ARHGEF7: variants seen among roughly 807,000 people sequenced by gnomAD.
ARHGEF7 encodes the protein PAK-interacting exchange factor beta.
ARHGEF7 carries 33 observed loss-of-function variants against 109.8 expected under a neutral mutation model. The observed-to-expected ratio is 0.30, with a 90% confidence interval of 0.23 to 0.40. ARHGEF7 has a LOEUF of 0.40. Ranked by LOEUF, ARHGEF7 falls within the 10% of genes least tolerant of loss-of-function variation. The probability of loss-of-function intolerance (pLI) is 1.00; values close to 1 mark genes in which losing one functional copy is unlikely to be tolerated. For synonymous variants in ARHGEF7, 458 were observed against 424.6 expected, an observed-to-expected ratio of 1.08 and a Z score of -0.97; for missense variants, 938 against 1,098.5, an observed-to-expected ratio of 0.85 and a Z score of 2.07.
intron 1 of ARHGEF7, among the ~76,000 whole-genome samples, chr13:111,121,946 A>T (rs139513530): frequency 6.6e-6 from 1 of 152,348 alleles, no homozygotes; most frequent in Non-Finnish European, 1.5e-5. Context: ...AGTACGCAGT[A>T]GTTACTGTTT....
chr13:111,301,190 C>T (rs1488296311), intron 20 of ARHGEF7, among the ~76,000 whole-genome samples: 1 of 152,156 alleles, frequency 6.6e-6, no homozygotes, highest in Non-Finnish European at 1.5e-5. Context: ...CTCAGGTGAT[C>T]TGCCCGCCTC....
At chr13:111,205,243 C>T in intron 2 of ARHGEF7, 46 bp from the exon 3 acceptor site, 1 of 1,487,468 alleles carries the variant, frequency 6.7e-7, no homozygotes, top group East Asian at 2.3e-5. Flanking sequence ...ATCCTGCACC[C>T]AACATAAGAC....
chr13:111,172,889 G>A (rs138618137), intron 2 of ARHGEF7, among the ~76,000 whole-genome samples: 5 of 152,218 alleles, frequency 3.3e-5, no homozygotes, highest in East Asian at 1.9e-4. Context: ...TTTTTCTCCC[G>A]ATTATAGTAG....
At chr13:111,302,076 A>C (rs1418401121) in intron 21 of ARHGEF7, among the ~76,000 whole-genome samples, 3 of 152,194 alleles carry the variant, frequency 2.0e-5, no homozygotes, top group Non-Finnish European at 4.4e-5. Context: ...GAATAATTTA[A>C]AATATCGAAA....
chr13:111,285,599 C>A (rs956774444), intron 16 of ARHGEF7, among the ~76,000 whole-genome samples: 1 of 152,162 alleles, frequency 6.6e-6, no homozygotes, highest in African/African-American at 2.4e-5. Context: ...GCAGCCCTGG[C>A]CGAGCTTGGC....
intron 8 of ARHGEF7, chr13:111,265,525 T>A (rs2091545374): frequency 4.4e-6 from 2 of 456,328 alleles, no homozygotes; most frequent in South Asian, 3.1e-5. Flanking sequence ...CTCATGAAGG[T>A]GGAGGCACAC....
chr13:111,277,394 G>A (rs1200575896), intron 12 of ARHGEF7, among the ~76,000 whole-genome samples, 193 bp from the exon 13 acceptor site: 3 of 152,138 alleles, frequency 2.0e-5, no homozygotes, highest in Non-Finnish European at 2.9e-5. Context: ...ATAATCATAT[G>A]TTAAGACTTA....
intron 1 of ARHGEF7, among the ~76,000 whole-genome samples, chr13:111,119,453 C>G (rs1302079835): frequency 6.6e-6 from 1 of 152,076 alleles, no homozygotes; most frequent in Non-Finnish European, 1.5e-5. Flanking sequence ...ATAATAGAGT[C>G]TTGGGGGTTC....
At chr13:111,211,410 T>C (rs1161768354) in intron 4 of ARHGEF7, among the ~76,000 whole-genome samples, 1 of 152,150 alleles carries the variant, frequency 6.6e-6, no homozygotes. Flanking sequence ...TTTTTTTTTC[T>C]TTTTGAGTAG....
chr13:111,269,730 T>G (rs2091981755), intron 9 of ARHGEF7, among the ~76,000 whole-genome samples: 1 of 152,068 alleles, frequency 6.6e-6, no homozygotes. Flanking sequence ...CTGTGGAACA[T>G]GAAGCTTGTG....
intron 2 of ARHGEF7, among the ~76,000 whole-genome samples, chr13:111,183,889 C>A (rs1042982274): frequency 1.3e-5 from 2 of 152,148 alleles, no homozygotes; most frequent in African/African-American, 4.8e-5. Context: ...TGTAAGTCTC[C>A]ACCAGGACTT....
At chr13:111,268,017 C>T (rs2091814244) in intron 9 of ARHGEF7, among the ~76,000 whole-genome samples, 1 of 152,208 alleles carries the variant, frequency 6.6e-6, no homozygotes, top group Non-Finnish European at 1.5e-5. Flanking sequence ...GTCCGAGTTA[C>T]ATCAGCTGTA....
intron 2 of ARHGEF7, among the ~76,000 whole-genome samples, chr13:111,189,908 C>T (rs954116363): frequency 6.6e-6 from 1 of 152,202 alleles, no homozygotes; most frequent in Non-Finnish European, 1.5e-5. Flanking sequence ...CAAGTCCCCA[C>T]CCGACCCAGA....
chr13:111,183,197 T>C (rs2078932891), intron 2 of ARHGEF7, among the ~76,000 whole-genome samples: 2 of 152,220 alleles, frequency 1.3e-5, no homozygotes, highest in African/African-American at 4.8e-5. Context: ...ACGCACGCTA[T>C]GTCATTGTAC....
At chr13:111,171,124 C>T (rs1040718658) in intron 2 of ARHGEF7, among the ~76,000 whole-genome samples, 1 of 152,170 alleles carries the variant, frequency 6.6e-6, no homozygotes, top group African/African-American at 2.4e-5. Context: ...TTACTTTAAG[C>T]TTAAGCTCAC....
intron 4 of ARHGEF7, among the ~76,000 whole-genome samples, chr13:111,211,675 G>A (rs748708796): frequency 1.7e-4 from 26 of 152,186 alleles, no homozygotes; most frequent in Non-Finnish European, 3.5e-4. Flanking sequence ...AGGTAAGAAT[G>A]AATGTTTCTT....
In ARHGEF7 at chr13:111,145,010, C is replaced by T. The variant is rs1014707942; in HGVS notation, c.166-8895C>T. 7.3e-5 allele frequency among the ~76,000 whole-genome samples: 11 copies of T among 150,086 alleles called. No homozygotes were observed. The highest frequency in any genetic ancestry group is 2.0e-4 in the African/African-American group (8 of 40,424). On this transcript the variant is annotated intron_variant, in intron 1 of 21. Transcript: ENST00000646102. The surrounding 1 kb of genome is among the most constrained non-coding windows in gnomAD (Gnocchi z 4.3). ...AGAGACAGCTCCATGCATTTCTAAA[C>T]ACCTACATACATTTTCTTCTTGCTT...
intron 4 of ARHGEF7, among the ~76,000 whole-genome samples, chr13:111,210,866 T>C (rs979753957): frequency 1.3e-5 from 2 of 152,248 alleles, no homozygotes; most frequent in Admixed American, 6.5e-5. Context: ...TGGATTTTCC[T>C]CTGCCTTAAC....
At position 111,208,158 on chromosome 13, in the gene ARHGEF7, G is replaced by A. The variant is rs565164773; in HGVS notation, c.338-1714G>A. On this transcript the variant is annotated intron_variant, in intron 3 of 21. Transcript: ENST00000646102. ...TGGATTCAAGCGATTCTCCTGCCTC[G>A]GCCTCCCGAGTAGCTGGGATTACAG... Among the ~76,000 whole-genome samples the A allele has an allele frequency of 5.3e-5, 8 of 152,150 alleles. No homozygotes were observed. The East Asian group carries it at 5.8e-4, about 11-fold the overall frequency.
Sources: gnomAD v4.1 joint callset for allele counts (sites outside exome capture counted in the v4.1 genomes callset) on GRCh38, gnomAD v4.1.1 for gene constraint, Gnocchi (gnomAD v3.1) non-coding constraint, MANE v1.5 for transcripts, NCBI Gene and HGNC (gene_info 2026-07-23, HGNC 2026-07-21) for gene names.